The following SLC12A7 variants were observed in gnomAD, a reference collection of about 807,000 sequenced individuals.
SLC12A7 encodes the protein K-Cl cotransporter 4.
A neutral mutation model predicts 120.6 loss-of-function variants in SLC12A7; 100 were observed. The observed-to-expected ratio is 0.83, with a 90% CI of 0.71 to 0.98. The LOEUF (loss-of-function observed/expected upper bound fraction) is 0.98, where lower values mean the gene tolerates loss of function less well. Among genes scored for constraint, SLC12A7 ranks in the 50% least tolerant of loss-of-function variants. The pLI is 0.00. For missense variants in SLC12A7, 1,373 were observed against 1,548.1 expected, an observed-to-expected ratio of 0.89 and a Z score of 1.90; for synonymous variants, 760 against 678.0, an observed-to-expected ratio of 1.12 and a Z score of -1.88.
intron 1 of SLC12A7, among the ~76,000 whole-genome samples, chr5:1,105,486 C>T (rs985367714): frequency 1.3e-5 from 2 of 152,252 alleles, no homozygotes; most frequent in Non-Finnish European, 2.9e-5. Flanking sequence ...CCGGCACTCC[C>T]GGCCAGAGGC....
At chr5:1,108,029 T>TACACACACACACACACACAC (rs59652318) in intron 1 of SLC12A7, among the ~76,000 whole-genome samples, 57 of 151,492 alleles carry the variant, frequency 3.8e-4, no homozygotes, top group African/African-American at 1.1e-3. Flanking sequence ...AACACACACA[T>TACACACACACACACACACAC]ACACACACAC....
chr5:1,149,051 A>G, the SLC12A7 span, among the ~76,000 whole-genome samples: 56 of 148,994 alleles, frequency 3.8e-4, no homozygotes, highest in Admixed American at 1.5e-3. Context: ...GTCTACCGTG[A>G]ATGATGCTCC....
At chr5:1,155,892 G>C in the SLC12A7 span, among the ~76,000 whole-genome samples, 1 of 151,396 alleles carries the variant, frequency 6.6e-6, no homozygotes, top group African/African-American at 2.4e-5. Flanking sequence ...TGCGGGGAGC[G>C]GGGACCTGAG....
intron 17 of SLC12A7, among the ~76,000 whole-genome samples, chr5:1,069,853 G>A (rs183847632): frequency 9.2e-5 from 14 of 152,246 alleles, no homozygotes; most frequent in Admixed American, 4.6e-4. Context: ...CTCAGACCCC[G>A]ATGTCCTGGG....
chr5:1,110,868 G>T (rs1460156252), intron 1 of SLC12A7, among the ~76,000 whole-genome samples: 5 of 152,254 alleles, frequency 3.3e-5, no homozygotes, highest in African/African-American at 7.2e-5. Flanking sequence ...CTGCCTTCAC[G>T]GTGGGTCCCC....
At chr5:1,076,280 CT>C (rs764262613) in intron 13 of SLC12A7, 44 bp from the exon 14 acceptor site, 1 of 1,506,504 alleles carries the variant, frequency 6.6e-7, no homozygotes, top group African/African-American at 1.4e-5. Context: ...CTGGGCCCCC[CT>C]GAGCCCCCAG....
At chr5:1,089,157 G>A in intron 3 of SLC12A7, 29 bp from the exon 4 acceptor site, 1 of 1,606,756 alleles carries the variant, frequency 6.2e-7, no homozygotes, top group Non-Finnish European at 8.5e-7. Flanking sequence ...TGTCCCAGGG[G>A]CTCGTACCCC....
intron 16 of SLC12A7, among the ~76,000 whole-genome samples, chr5:1,074,071 A>G (rs1241608240): frequency 6.6e-6 from 1 of 152,150 alleles, no homozygotes; most frequent in African/African-American, 2.4e-5. Flanking sequence ...CTAGCCAGGC[A>G]GGACAGGAGA....
chr5:1,074,851 C>G (rs1482732061), intron 15 of SLC12A7, 180 bp from the exon 16 acceptor site: 8 of 618,440 alleles, frequency 1.3e-5, no homozygotes, highest in South Asian at 2.0e-5. Context: ...GTCCTAGGAG[C>G]CACCGGGTCA....
the SLC12A7 span, among the ~76,000 whole-genome samples, chr5:1,121,944 G>T: frequency 6.6e-6 from 1 of 152,258 alleles, no homozygotes; most frequent in East Asian, 1.9e-4. Flanking sequence ...CCCACCCTAG[G>T]CCTGCTTCAT....
intron 1 of SLC12A7, among the ~76,000 whole-genome samples, chr5:1,101,915 G>A (rs563204823): frequency 3.9e-5 from 6 of 152,126 alleles, no homozygotes; most frequent in South Asian, 2.1e-4. Context: ...CCTGCTCACC[G>A]GACCTACCAA....
At chr5:1,076,625 C>G in intron 13 of SLC12A7, 69 bp downstream of exon 13, 2 of 1,164,940 alleles carry the variant, frequency 1.7e-6, no homozygotes, top group Non-Finnish European at 2.5e-6. Flanking sequence ...AGCAGGACCT[C>G]CCATCCACAC....
chr5:1,057,632 G>A lies in SLC12A7; in HGVS notation c.2865C>T (p.Asp955=), dbSNP rs780071314. 3 of 1,601,260 alleles carry A rather than the reference G, an allele frequency of 1.9e-6. No individual in the cohort carries two copies. The highest frequency in any genetic ancestry group is 1.3e-5 in the African/African-American group (1 of 74,972). Residue 955 remains aspartate, a synonymous_variant, in exon 22 of 24, where the codon GAC becomes GAT. Coordinates refer to ENST00000264930, the MANE Select transcript of SLC12A7 (RefSeq NM_006598.3). ...EQEREAQLIH[D]RNTASHTAAA... ...CCGCGGTGTGGGACGCGGTGTTCCT[G>A]TCGTGGATCAGCTGGGCCTGGCGGG...
chr5:1,092,953 G>A (rs998158598), intron 3 of SLC12A7, among the ~76,000 whole-genome samples: 17 of 152,110 alleles, frequency 1.1e-4, no homozygotes, highest in Admixed American at 2.0e-4. Context: ...GTACAGGACG[G>A]CAGAACCCTC....
chr5:1,085,896 G>A (rs1315769871), intron 6 of SLC12A7, among the ~76,000 whole-genome samples: 9 of 152,236 alleles, frequency 5.9e-5, no homozygotes, highest in Admixed American at 2.6e-4. Flanking sequence ...GGCCCACCCC[G>A]GCTGGACGTC....
At position 1,083,850 on chromosome 5, in the gene SLC12A7, AG is replaced by A. The variant is rs761754624; in HGVS notation, c.1023del (p.Phe342SerfsTer90). ...GCGCTGGGCTGGGAGCCGTTGCAGA[AG>A]AGGCCCCAGAGCGCGGAGGTGGCTG... ...NNSATSALWGLFCNGSQPSAA... is the reference protein window; with the variant it reads ...NNSATSALWGXFCNGSQPSAA... On this transcript the variant is annotated frameshift_variant, in exon 8 of 24. Transcript: ENST00000264930. LOFTEE classifies it high-confidence loss of function. The A allele has an allele frequency of 6.2e-7, 1 of 1,607,934 alleles. No individual in the cohort carries two copies. Among genetic ancestry groups the A allele is most frequent in the Non-Finnish European group, 8.5e-7 (1 of 1,176,806 alleles).
intron 3 of SLC12A7, among the ~76,000 whole-genome samples, chr5:1,090,955 G>A (rs1479837119): frequency 6.6e-6 from 1 of 152,144 alleles, no homozygotes; most frequent in East Asian, 1.9e-4. Flanking sequence ...CTGGCAAAGA[G>A]GACCAGGGGC....
intron 1 of SLC12A7, among the ~76,000 whole-genome samples, chr5:1,096,530 G>A (rs1156445466): frequency 6.6e-6 from 1 of 151,714 alleles, no homozygotes; most frequent in African/African-American, 2.4e-5. Flanking sequence ...GGTTTCAGTG[G>A]ATTCCTGCTC....
chr5:1,139,153 C>T, the SLC12A7 span, among the ~76,000 whole-genome samples: 6 of 152,212 alleles, frequency 3.9e-5, no homozygotes, highest in Non-Finnish European at 8.8e-5. Flanking sequence ...TCCCCATGGG[C>T]GTAGCCCACC....
Sources: allele counts gnomAD v4.1 joint callset (sites outside exome capture counted in the v4.1 genomes callset), GRCh38; gene constraint gnomAD v4.1.1; transcripts MANE v1.5; gene names NCBI Gene and HGNC (gene_info 2026-07-23, HGNC 2026-07-21).